Variants in CDH23 observed in about 807,000 individuals in gnomAD.
CDH23 encodes the protein cadherin related 23, also known as cadherin-23.
A neutral mutation model predicts 317.1 loss-of-function variants in CDH23; 189 were observed. The observed-to-expected ratio is 0.60, with a 90% CI of 0.53 to 0.67. The LOEUF (loss-of-function observed/expected upper bound fraction) is 0.67. Ranked by LOEUF, CDH23 falls within the 30% of genes least tolerant of loss-of-function variation. CDH23 has a pLI of 0.00. For synonymous variants in CDH23, 1,839 were observed against 1,876.8 expected (o/e 0.98, Z 0.52); for missense variants, 4,401 against 4,592.4 (o/e 0.96, Z 1.20).
chr10:71,434,850 TG>T (rs1849548884), intron 1 of CDH23, among the ~76,000 whole-genome samples: 1 of 152,156 alleles, frequency 6.6e-6, no homozygotes, highest in African/African-American at 2.4e-5. Context: ...GAGCAATGCG[TG>T]TGAGATGCCA....
chr10:71,665,732 G>A (rs576626500), intron 14 of CDH23, among the ~76,000 whole-genome samples: 3 of 152,258 alleles, frequency 2.0e-5, no homozygotes, highest in South Asian at 2.1e-4. Flanking sequence ...CTTACCCAAC[G>A]TCCCACGTGC....
chr10:71,627,926 G>A lies in CDH23; in HGVS notation c.1134+10533G>A, dbSNP rs544819150. ...TTCTCCATGCCTCTTCCTCTCCCCAGCACCTCTTGGCTGGCTTGTACCCTC... is the reference window on the plus strand; with the variant it reads ...TTCTCCATGCCTCTTCCTCTCCCCAACACCTCTTGGCTGGCTTGTACCCTC... On this transcript the variant is annotated intron_variant, in intron 11 of 69. Coordinates refer to ENST00000224721, the MANE Select transcript of CDH23 (RefSeq NM_022124.6). 1.8e-4 allele frequency among the ~76,000 whole-genome samples: 28 copies of A among 152,256 alleles called. 1 individual carries two copies. The South Asian group carries it at 5.0e-3, about 27-fold the overall frequency.
At position 71,790,697 on chromosome 10, in the gene CDH23, C is replaced by T. The variant is rs957054533; in HGVS notation, c.6049+284C>T. ...AGCCCACTCCCGTCATCTCCCCATGCGCAGGCCAGAGGCTCAGGCCCCTAG... is the reference window on the plus strand; with the variant it reads ...AGCCCACTCCCGTCATCTCCCCATGTGCAGGCCAGAGGCTCAGGCCCCTAG... On this transcript the variant is annotated intron_variant, in intron 46 of 69. Transcript: ENST00000224721. 128 of 501,116 alleles carry T rather than the reference C, an allele frequency of 2.6e-4. 1 individual carries two copies. Among genetic ancestry groups the T allele is most frequent in the African/African-American group, 1.9e-3 (99 of 52,288 alleles). 31.0% of individuals were successfully genotyped at this position (501,116 alleles called of 1,614,324 possible).
chr10:71,439,489 C>T (rs1481980707), intron 1 of CDH23, among the ~76,000 whole-genome samples: 1 of 152,120 alleles, frequency 6.6e-6, no homozygotes, highest in African/African-American at 2.4e-5. Context: ...CAGCCCCTGC[C>T]TCCATCTACT....
At chr10:71,479,495 A>C (rs1342737970) in intron 3 of CDH23, among the ~76,000 whole-genome samples, 4 of 152,272 alleles carry the variant, frequency 2.6e-5, no homozygotes, top group Non-Finnish European at 4.4e-5. Flanking sequence ...GGCAGAGTGG[A>C]TTTGGAGAGA....
intron 38 of CDH23, among the ~76,000 whole-genome samples, chr10:71,776,537 A>G (rs1269604655): frequency 1.3e-5 from 2 of 152,212 alleles, no homozygotes; most frequent in African/African-American, 4.8e-5. Context: ...AACAGATGGC[A>G]CACTCAGAAA....
At chr10:71,756,222 G>A (rs762097876) in intron 38 of CDH23, among the ~76,000 whole-genome samples, 13 of 152,178 alleles carry the variant, frequency 8.5e-5, no homozygotes, top group Non-Finnish European at 1.3e-4. Context: ...CCTCTGAAGA[G>A]ATCATCCCTG....
In CDH23 at chr10:71,510,215, G is replaced by A. The variant is rs1184376335; in HGVS notation, c.279G>A (p.Leu93=). The part of the protein sequence containing the change: ...DTGVVWLRQP[L]DRETKSEFTV... ...GCGTGGTGTGGCTCCGGCAGCCACT[G>A]GACAGAGAGGTATGACTTGCCCATA... Residue 93 remains leucine (L), a synonymous_variant, in exon 4 of 70, where the codon CTG becomes CTA. Transcript: ENST00000224721. 1 of 1,613,600 alleles carries A rather than the reference G, an allele frequency of 6.2e-7. No individual in the cohort carries two copies.
chr10:71,659,005 G>GC (rs1180495607), intron 14 of CDH23, among the ~76,000 whole-genome samples: 5 of 152,156 alleles, frequency 3.3e-5, no homozygotes, highest in Non-Finnish European at 7.3e-5. Context: ...ACTCTCTAAG[G>GC]CCCCCTGTGC....
At chr10:71,420,325 G>A (rs1036640387) in intron 1 of CDH23, among the ~76,000 whole-genome samples, 3 of 151,406 alleles carry the variant, frequency 2.0e-5, no homozygotes, top group South Asian at 2.1e-4. Context: ...CCTAGGCTTC[G>A]CTCCCAGAAG....
At chr10:71,746,122 G>A (rs1200584944) in intron 38 of CDH23, among the ~76,000 whole-genome samples, 1 of 152,244 alleles carries the variant, frequency 6.6e-6, no homozygotes, top group Non-Finnish European at 1.5e-5. Context: ...GGAGCCTACG[G>A]TCTGGCAGGG....
chr10:71,773,209 G>T, intron 38 of CDH23: 1 of 921,318 alleles, frequency 1.1e-6, no homozygotes. Context: ...CTGCCTAGGG[G>T]TCCCAGCAGC....
chr10:71,458,912 C>T (rs1018343180), intron 3 of CDH23, among the ~76,000 whole-genome samples: 1 of 152,068 alleles, frequency 6.6e-6, no homozygotes, highest in African/African-American at 2.4e-5. Flanking sequence ...CTCAGCCTCC[C>T]AAGTAGCTGG....
At chr10:71,688,829 G>A (rs1406955448) in intron 19 of CDH23, among the ~76,000 whole-genome samples, 2 of 116,972 alleles carry the variant, frequency 1.7e-5, no homozygotes, top group Admixed American at 8.2e-5. Context: ...AGCCAGGGGT[G>A]GTGGAGTCAG....
At chr10:71,719,777 G>A (rs1234230058) in intron 28 of CDH23, 1 of 152,568 alleles carries the variant, frequency 6.6e-6, no homozygotes, top group Non-Finnish European at 1.5e-5. Flanking sequence ...GGCCAGCAGA[G>A]TGGCCTCCCC....
At position 71,784,423 on chromosome 10, in the gene CDH23, G is replaced by C; in HGVS notation, c.5502+3G>C. On this transcript the variant is annotated splice_donor_region_variant and intron_variant, in intron 42 of 69. Coordinates refer to ENST00000224721, the MANE Select transcript of CDH23 (RefSeq NM_022124.6). ...GGATGCCCCCACTCAGCTCCACAGT[G>C]AGTCTGGGGGCCCCACCCGCTGGCT... The C allele has an allele frequency of 1.2e-6, 2 of 1,611,734 alleles. No homozygotes were observed. The highest frequency in any genetic ancestry group is 1.7e-6 in the Non-Finnish European group (2 of 1,178,672).
At chr10:71,405,761 C>A (rs1353603362) in intron 1 of CDH23, among the ~76,000 whole-genome samples, 1 of 152,098 alleles carries the variant, frequency 6.6e-6, no homozygotes, top group Non-Finnish European at 1.5e-5. Context: ...CACTAGAAAA[C>A]CAGAACATAA....
intron 1 of CDH23, among the ~76,000 whole-genome samples, chr10:71,417,027 C>CTTTTTTTTTTTTT (rs59400313): frequency 6.8e-6 from 1 of 146,094 alleles, no homozygotes; most frequent in Non-Finnish European, 1.5e-5. Context: ...CTTTGGTTTT[C>CTTTTTTTTTTTTT]TTTTTTTTTC....
At chr10:71,667,182 C>T (rs1359797627) in intron 14 of CDH23, among the ~76,000 whole-genome samples, 2 of 152,088 alleles carry the variant, frequency 1.3e-5, no homozygotes, top group African/African-American at 2.4e-5. Flanking sequence ...TGTGAGTGTG[C>T]GTGCGTGACG....
Sources: allele counts gnomAD v4.1 joint callset (sites outside exome capture counted in the v4.1 genomes callset), GRCh38; gene constraint gnomAD v4.1.1; transcripts MANE v1.5; gene names NCBI Gene and HGNC (gene_info 2026-07-23, HGNC 2026-07-21).